C4orf36: variants seen among roughly 807,000 people sequenced by gnomAD.
C4orf36 encodes the protein chromosome 4 open reading frame 36, also known as uncharacterized protein C4orf36.
A neutral mutation model predicts 12.2 loss-of-function variants in C4orf36; 11 were observed. The ratio of observed to expected loss-of-function variants is 0.90; its 90% CI spans 0.57 to 1.49. The LOEUF is 1.49. C4orf36 is among the 40% of genes most tolerant of loss of function. C4orf36 has a pLI of 0.00. For missense variants in C4orf36, 137 were observed against 133.9 expected (o/e 1.02, Z -0.11); for synonymous variants, 54 against 51.3 (o/e 1.05, Z -0.22).
At chr4:86,912,729 T>C in the C4orf36 span, among the ~76,000 whole-genome samples, 6 of 152,198 alleles carry the variant, frequency 3.9e-5, no homozygotes, top group Non-Finnish European at 7.3e-5. Context: ...CACATGAGCA[T>C]ATAGATATGT....
the C4orf36 span, among the ~76,000 whole-genome samples, chr4:86,921,559 A>G: frequency 6.6e-6 from 1 of 152,228 alleles, no homozygotes; most frequent in African/African-American, 2.4e-5. Context: ...GGTTAACTTT[A>G]CAATTTAGAC....
chr4:86,933,347 C>T, the C4orf36 span: 1 of 152,194 alleles, frequency 6.6e-6, no homozygotes, highest in Non-Finnish European at 1.5e-5. Flanking sequence ...TATGGCTCGT[C>T]ACCTAGCACA....
chr4:86,929,599 T>C, the C4orf36 span, among the ~76,000 whole-genome samples: 1 of 152,166 alleles, frequency 6.6e-6, no homozygotes, highest in Non-Finnish European at 1.5e-5. Context: ...AATGAAATCA[T>C]GTGGGATTGG....
chr4:86,906,291 A>G, the C4orf36 span, among the ~76,000 whole-genome samples: 1 of 152,152 alleles, frequency 6.6e-6, no homozygotes, highest in Non-Finnish European at 1.5e-5. Context: ...TATGGCCTTT[A>G]ATGTAGAGTA....
At chr4:86,896,294 C>T (rs1010684778), upstream of C4orf36, among the ~76,000 whole-genome samples, 7 of 152,184 alleles carry the variant, frequency 4.6e-5, no homozygotes, top group Non-Finnish European at 7.3e-5. Flanking sequence ...AAAACAGTTA[C>T]GCAACTACCC....
At chr4:86,911,174 G>GCAGAGA in the C4orf36 span, among the ~76,000 whole-genome samples, 12 of 152,324 alleles carry the variant, frequency 7.9e-5, no homozygotes, top group East Asian at 2.3e-3. Context: ...CAGAGAAACA[G>GCAGAGA]AACAGCTGTG....
chr4:86,906,031 G>A, the C4orf36 span, among the ~76,000 whole-genome samples: 1 of 152,068 alleles, frequency 6.6e-6, no homozygotes, highest in African/African-American at 2.4e-5. Context: ...CTGAGGTTCT[G>A]ATTCCTGTTT....
In C4orf36 at chr4:86,876,447, C is replaced by T. The variant is rs1042733720; in HGVS notation, c.*3-4G>A. The T allele has an allele frequency of 6.2e-7, 1 of 1,613,062 alleles. No homozygotes were observed. Among genetic ancestry groups the T allele is most frequent in the Non-Finnish European group, 8.5e-7 (1 of 1,179,476 alleles). On this transcript the variant is annotated splice_polypyrimidine_tract_variant and splice_region_variant and intron_variant, in intron 4 of 4. Coordinates refer to ENST00000295898, the MANE Select transcript of C4orf36 (RefSeq NM_144645.4). ...CATCTACAATCCGCGCTTCAGGCTG[C>T]GCAAAGGAGAGGGGGAAAATAAGAT... is the stretch of plus-strand genomic sequence containing the variant.
At chr4:86,931,637 G>A in the C4orf36 span, among the ~76,000 whole-genome samples, 1 of 152,156 alleles carries the variant, frequency 6.6e-6, no homozygotes, top group Admixed American at 6.5e-5. Flanking sequence ...GGGCTCAAGT[G>A]ATCCTCCTGC....
chr4:86,933,943 T>C, the C4orf36 span, among the ~76,000 whole-genome samples: 1 of 152,198 alleles, frequency 6.6e-6, no homozygotes, highest in Non-Finnish European at 1.5e-5. Context: ...TTAAGTCAAG[T>C]AGCCAAAGGT....
chr4:86,892,551 C>G, upstream of C4orf36: 1 of 791,622 alleles, frequency 1.3e-6, no homozygotes, highest in Non-Finnish European at 1.5e-6. Context: ...CGGGCCGGGG[C>G]AGGCCGCGCT....
chr4:86,876,442 G>A lies in C4orf36; in HGVS notation c.*4C>T. 1 of 1,613,550 alleles carries A rather than the reference G, an allele frequency of 6.2e-7. No individual in the cohort carries two copies. Among genetic ancestry groups the A allele is most frequent in the Non-Finnish European group, 8.5e-7 (1 of 1,179,594 alleles). On this transcript the variant is annotated splice_region_variant and 3_prime_UTR_variant, in exon 5 of 5. Coordinates refer to ENST00000295898, the MANE Select transcript of C4orf36 (RefSeq NM_144645.4). ...TTCTTCATCTACAATCCGCGCTTCA[G>A]GCTGCGCAAAGGAGAGGGGGAAAAT...
the C4orf36 span, among the ~76,000 whole-genome samples, chr4:86,920,522 A>G: frequency 6.6e-6 from 1 of 152,222 alleles, no homozygotes; most frequent in Non-Finnish European, 1.5e-5. Flanking sequence ...AGAATGCCAC[A>G]AACTAGATCA....
At chr4:86,886,147 G>T (rs1048923964) in intron 4 of C4orf36, among the ~76,000 whole-genome samples, 1 of 152,172 alleles carries the variant, frequency 6.6e-6, no homozygotes, top group Non-Finnish European at 1.5e-5. Context: ...CAGGGATATT[G>T]GTCTAAAATT....
chr4:86,915,831 A>T, the C4orf36 span, among the ~76,000 whole-genome samples: 1 of 152,172 alleles, frequency 6.6e-6, no homozygotes, highest in East Asian at 1.9e-4. Flanking sequence ...ATTTGGACTC[A>T]GATATACAAG....
the C4orf36 span, chr4:86,914,291 G>A: frequency 1.0e-5 from 16 of 1,600,722 alleles, no homozygotes; most frequent in African/African-American, 4.0e-5. Flanking sequence ...CACAAGTGAC[G>A]ATGCGGTCGC....
intron 2 of C4orf36, among the ~76,000 whole-genome samples, chr4:86,889,792 C>T (rs1007947760): frequency 1.3e-5 from 2 of 152,182 alleles, no homozygotes; most frequent in Non-Finnish European, 2.9e-5. Flanking sequence ...TGGCACAGGC[C>T]TGTGGTTCCA....
intron 4 of C4orf36, among the ~76,000 whole-genome samples, chr4:86,880,997 G>C (rs552182374): frequency 4.1e-4 from 60 of 145,980 alleles, no homozygotes; most frequent in Middle Eastern, 7.5e-3. Context: ...CACACCACTC[G>C]ACTCCAGCCT....
At chr4:86,891,410 C>T (rs758694544) in intron 2 of C4orf36, 46 bp downstream of exon 2, 45 of 1,565,846 alleles carry the variant, frequency 2.9e-5, no homozygotes, top group Non-Finnish European at 3.7e-5. Flanking sequence ...CACTCCCCAC[C>T]GCAGTCAATG....
Sources: allele counts gnomAD v4.1 joint callset (sites outside exome capture counted in the v4.1 genomes callset), GRCh38; gene constraint gnomAD v4.1.1; transcripts MANE v1.5; gene names NCBI Gene and HGNC (gene_info 2026-07-23, HGNC 2026-07-21).